Variants in MRTFA observed in about 807,000 individuals in gnomAD.
MRTFA encodes myocardin related transcription factor A.
Under a neutral mutation model 83.5 loss-of-function variants are expected in MRTFA, and 20 were observed. The observed-to-expected ratio is 0.24, with a 90% CI of 0.17 to 0.35. The LOEUF (loss-of-function observed/expected upper bound fraction) is 0.35. MRTFA is among the 10% of genes least tolerant of loss of function. MRTFA has a pLI of 1.00. For missense variants in MRTFA, 1,200 were observed against 1,224.7 expected, an observed-to-expected ratio of 0.98 and a Z score of 0.30; for synonymous variants, 659 against 541.2, an observed-to-expected ratio of 1.22 and a Z score of -3.02.
At chr22:40,584,693 G>A (rs1197556766) in intron 2 of MRTFA, among the ~76,000 whole-genome samples, 4 of 142,724 alleles carry the variant, frequency 2.8e-5, no homozygotes, top group African/African-American at 7.9e-5. Flanking sequence ...TCGCACCATT[G>A]CACTCCAACC....
chr22:40,552,797 G>A (rs2055462619), intron 2 of MRTFA, among the ~76,000 whole-genome samples: 1 of 152,194 alleles, frequency 6.6e-6, no homozygotes, highest in Non-Finnish European at 1.5e-5. Flanking sequence ...GATAGAGTGG[G>A]ATGCTGCTAT....
At position 40,552,172 on chromosome 22, in the gene MRTFA, C is replaced by T. The variant is rs1444614141; in HGVS notation, c.175G>A (p.Glu59Lys). The stretch of plus-strand genomic sequence containing the variant: ...CCAGGGTGGAGGCCTAGGGTCAGCT[C>T]GGGCTGCAAGGAGAGCTCCTGCAGT... The change falls in exon 3 of 15, where the codon GAG becomes AAG. Residue 59 changes from glutamate to lysine, a missense_variant. Glu to Lys is a moderately conservative substitution (Grantham distance 56, BLOSUM62 1). This residue lies in a region of MRTFA where 93 missense variants were observed against 182.9 expected (regional missense o/e 0.51). Coordinates refer to ENST00000355630, the MANE Select transcript of MRTFA (RefSeq NM_020831.6). 2 of 399,024 alleles carry T rather than the reference C, an allele frequency of 5.0e-6. No individual in the cohort carries two copies. Among genetic ancestry groups the T allele is most frequent in the East Asian group, 7.1e-5 (2 of 28,082 alleles). 24.7% of individuals were successfully genotyped at this position (399,024 alleles called of 1,614,324 possible). A position where few individuals can be genotyped will look rare whatever the true frequency, so the allele number is the denominator to read the frequency against.
At chr22:40,464,038 C>A (rs935843766) in intron 3 of MRTFA, among the ~76,000 whole-genome samples, 3 of 152,002 alleles carry the variant, frequency 2.0e-5, no homozygotes, top group Non-Finnish European at 2.9e-5. Context: ...GTGGCTCATG[C>A]CTACATGTAA....
chr22:40,609,944 C>G (rs62236977), intron 1 of MRTFA, among the ~76,000 whole-genome samples: 236 of 152,000 alleles, frequency 1.6e-3, no homozygotes, highest in Non-Finnish European at 2.6e-3. Context: ...TAAGTACAAA[C>G]AGTTCTAATC....
At chr22:40,555,131 A>G (rs1490646732) in intron 2 of MRTFA, among the ~76,000 whole-genome samples, 1 of 152,214 alleles carries the variant, frequency 6.6e-6, no homozygotes, top group Admixed American at 6.5e-5. Flanking sequence ...TTATCTCCAG[A>G]TGAGACTTTG....
At chr22:40,591,276 C>CAA (rs554015800) in intron 2 of MRTFA, among the ~76,000 whole-genome samples, 6 of 83,382 alleles carry the variant, frequency 7.2e-5, no homozygotes, top group African/African-American at 1.3e-4. Flanking sequence ...GACTCCGTCT[C>CAA]AAAAAAAAAA....
intron 2 of MRTFA, among the ~76,000 whole-genome samples, chr22:40,575,630 A>G (rs2055856300): frequency 6.6e-6 from 1 of 152,236 alleles, no homozygotes; most frequent in Non-Finnish European, 1.5e-5. Flanking sequence ...TGATATAAAC[A>G]ATCCATGGTG....
At chr22:40,584,999 C>G (rs779453280) in intron 2 of MRTFA, among the ~76,000 whole-genome samples, 1 of 152,096 alleles carries the variant, frequency 6.6e-6, no homozygotes, top group African/African-American at 2.4e-5. Context: ...GAGCCAAGAT[C>G]GCACCACTGC....
At chr22:40,620,239 C>T (rs866529550) in intron 1 of MRTFA, among the ~76,000 whole-genome samples, 2 of 151,564 alleles carry the variant, frequency 1.3e-5, no homozygotes, top group Non-Finnish European at 2.9e-5. Context: ...GATTCTCCTA[C>T]TCAGCCTCCC....
At chr22:40,453,308 G>GA (rs1182052515) in intron 4 of MRTFA, among the ~76,000 whole-genome samples, 1 of 152,174 alleles carries the variant, frequency 6.6e-6, no homozygotes, top group African/African-American at 2.4e-5. Context: ...CTTAAAGAAT[G>GA]AAAAGATAAG....
At chr22:40,464,135 T>C (rs1188259804) in intron 3 of MRTFA, among the ~76,000 whole-genome samples, 1 of 151,686 alleles carries the variant, frequency 6.6e-6, no homozygotes, top group Non-Finnish European at 1.5e-5. Context: ...ACCCCATCTA[T>C]ACTAAAAATA....
intron 1 of MRTFA, among the ~76,000 whole-genome samples, chr22:40,621,191 AAAAAAAAG>A (rs1602505067): frequency 1.3e-5 from 2 of 152,116 alleles, no homozygotes; most frequent in East Asian, 3.9e-4. Flanking sequence ...TTAAAAAAAA[AAAAAAAAG>A]AAGAAGAAGA....
intron 1 of MRTFA, among the ~76,000 whole-genome samples, chr22:40,628,381 A>G (rs1036563806): frequency 2.6e-5 from 4 of 152,210 alleles, no homozygotes; most frequent in African/African-American, 9.6e-5. Flanking sequence ...AATTATGCCC[A>G]TTATGCTTTA....
chr22:40,561,125 C>T (rs1020558126), intron 2 of MRTFA, among the ~76,000 whole-genome samples: 1 of 148,264 alleles, frequency 6.7e-6, no homozygotes, highest in Non-Finnish European at 1.5e-5. Context: ...TAAACCTAAT[C>T]TTGAAAACTC....
chr22:40,596,867 C>T (rs1318047975), intron 1 of MRTFA, among the ~76,000 whole-genome samples: 3 of 151,752 alleles, frequency 2.0e-5, no homozygotes, highest in Non-Finnish European at 2.9e-5. Context: ...CCCAGCTACT[C>T]GGGAGGCTGA....
At chr22:40,588,575 T>C (rs1885084418) in intron 2 of MRTFA, among the ~76,000 whole-genome samples, 1 of 152,174 alleles carries the variant, frequency 6.6e-6, no homozygotes, top group South Asian at 2.1e-4. Flanking sequence ...AGTTGGTAAC[T>C]GTACTTAGAT....
chr22:40,544,927 A>AAAATAAATAAAT (rs537218672), intron 3 of MRTFA, among the ~76,000 whole-genome samples: 2 of 151,074 alleles, frequency 1.3e-5, no homozygotes, highest in African/African-American at 4.9e-5. Context: ...ACTGTCTTGA[A>AAAATAAATAAAT]AAATAAATAA....
At chr22:40,477,764 T>C (rs766686328) in intron 3 of MRTFA, among the ~76,000 whole-genome samples, 1 of 149,610 alleles carries the variant, frequency 6.7e-6, no homozygotes, top group Non-Finnish European at 1.5e-5. Flanking sequence ...TTGGTGGGGG[T>C]TGGGGGTGGG....
intron 13 of MRTFA, 136 bp from the exon 14 acceptor site, chr22:40,417,182 C>T: frequency 7.3e-7 from 1 of 1,362,336 alleles, no homozygotes; most frequent in Non-Finnish European, 1.0e-6. Context: ...TGCCCGGACT[C>T]CTGGAGCCCG....
Sources: allele counts gnomAD v4.1 joint callset (sites outside exome capture counted in the v4.1 genomes callset), GRCh38; gene constraint gnomAD v4.1.1; regional missense constraint gnomAD v4.1.1; transcripts MANE v1.5; gene names NCBI Gene and HGNC (gene_info 2026-07-23, HGNC 2026-07-21).